The following VWCE variants were observed in gnomAD, a reference collection of about 807,000 sequenced individuals.
VWCE encodes the protein von Willebrand factor C and EGF domains, also known as von Willebrand factor C and EGF domain-containing protein.
VWCE carries 68 observed loss-of-function variants against 102.9 expected under a neutral mutation model. The observed-to-expected ratio is 0.66, with a 90% CI of 0.54 to 0.81. The LOEUF (loss-of-function observed/expected upper bound fraction) is 0.81. VWCE is among the 30% of genes least tolerant of loss of function. The pLI, the probability that VWCE is intolerant of heterozygous loss-of-function variation, is 0.00. For missense variants in VWCE, 1,137 were observed against 1,263.6 expected (o/e 0.90, Z 1.52); for synonymous variants, 497 against 515.4 (o/e 0.96, Z 0.48).
At chr11:61,265,070 G>A in intron 17 of VWCE, 32 bp from the exon 18 acceptor site, 1 of 1,614,044 alleles carries the variant, frequency 6.2e-7, no homozygotes, top group South Asian at 1.1e-5. Context: ...GAGCCCATGA[G>A]AGCCGAGGCC....
chr11:61,280,890 CG>C lies in VWCE; in HGVS notation c.1132del (p.Arg378AspfsTer37). On this transcript the variant is annotated frameshift_variant, in exon 8 of 20. Coordinates refer to ENST00000335613, the MANE Select transcript of VWCE (RefSeq NM_152718.2). LOFTEE classifies it high-confidence loss of function. ...PSSPRGPESPRLAAGPSPCWH... is the reference protein window; with the variant it reads ...PSSPRGPESPXLAAGPSPCWH... ...GCAGGGAGAGGGCCCTGCTGCCAGT[CG>C]GGGGGACTCAGGGCCCCTGGGTGAG... is the stretch of plus-strand genomic sequence containing the variant. The C allele has an allele frequency of 1.3e-6, 2 of 1,531,304 alleles. No homozygotes were observed. The highest frequency in any genetic ancestry group is 1.8e-6 in the Non-Finnish European group (2 of 1,141,066). 94.9% of individuals were successfully genotyped at this position (1,531,304 alleles called of 1,614,324 possible).
chr11:61,275,347 C>T (rs1055367974), intron 11 of VWCE, among the ~76,000 whole-genome samples: 3 of 151,958 alleles, frequency 2.0e-5, no homozygotes, highest in Admixed American at 1.3e-4. Context: ...GGCTCAAATC[C>T]GAGCTATACA....
chr11:61,279,715 G>A (rs1243108339), intron 9 of VWCE, among the ~76,000 whole-genome samples: 1 of 151,998 alleles, frequency 6.6e-6, no homozygotes, highest in African/African-American at 2.4e-5. Context: ...CCAACTGAAT[G>A]AGAATCTGCT....
intron 19 of VWCE, among the ~76,000 whole-genome samples, chr11:61,261,825 A>T (rs1367946034): frequency 6.6e-6 from 1 of 151,810 alleles, no homozygotes; most frequent in Non-Finnish European, 1.5e-5. Context: ...AAAAATCATC[A>T]AAAGAAAGCA....
At position 61,276,699 on chromosome 11, in the gene VWCE, A is replaced by G. The variant is rs1411855204; in HGVS notation, c.1408-19T>C. On this transcript the variant is annotated intron_variant, in intron 10 of 19. Coordinates refer to ENST00000335613, the MANE Select transcript of VWCE (RefSeq NM_152718.2). ...TTCCAGCCTGAGGAGGAGGCAAGAG[A>G]GGGCACTGGGGGTGCGGGTGTGGAA... 6.3e-7 allele frequency: 1 copy of G among 1,584,256 alleles called. No homozygotes were observed. Among genetic ancestry groups the G allele is most frequent in the South Asian group, 1.2e-5 (1 of 85,874 alleles).
In VWCE at chr11:61,281,900, G is replaced by A. The variant is rs1855152605; in HGVS notation, c.673C>T (p.Arg225Trp). 3.1e-6 allele frequency: 5 copies of A among 1,613,602 alleles called. No homozygotes were observed. The highest frequency in any genetic ancestry group is 1.1e-5 in the South Asian group (1 of 90,918). ...CAGACTCGCCTCTCCAATGGCCTCC[G>A]ACACTCGTTTACATCTGCGGGAGAG... is the stretch of plus-strand genomic sequence containing the variant. ...RHSCVDVNEC[R>W]RPLERRVCHH... The change falls in exon 7 of 20, where the codon CGG becomes TGG. Residue 225 changes from arginine to tryptophan, a missense_variant. Physicochemically the swap from Arg to Trp is moderately radical, Grantham distance 101. Around this residue, in one of 5 missense-constraint regions of VWCE, gnomAD observed 575 missense variants for 625.9 expected, o/e 0.92. Coordinates refer to ENST00000335613, the MANE Select transcript of VWCE (RefSeq NM_152718.2).
intron 1 of VWCE, among the ~76,000 whole-genome samples, chr11:61,292,239 A>C (rs1380953776): frequency 7.5e-6 from 1 of 133,928 alleles, no homozygotes; most frequent in Admixed American, 6.9e-5. Context: ...AAAAAAAAAA[A>C]GAGAGAGAGA....
At chr11:61,264,598 C>T in intron 18 of VWCE, 21 bp from the exon 19 acceptor site, 1 of 1,594,036 alleles carries the variant, frequency 6.3e-7, no homozygotes, top group South Asian at 1.1e-5. Context: ...AGAAGGAACC[C>T]CATGAGGAAG....
At position 61,286,381 on chromosome 11, in the gene VWCE, T is replaced by C; in HGVS notation, c.474A>G (p.Thr158=). ...CACACTCGCACACAAACCCACCTTC[T>C]GTGTTCACACAGTGGCCCTCGCAGG... ...TSSCEGHCVN[T]EGGFVCECGP... The change falls in exon 5 of 20, where the codon ACA becomes ACG. Residue 158 remains threonine (T), a synonymous_variant. Coordinates refer to ENST00000335613, the MANE Select transcript of VWCE (RefSeq NM_152718.2). 1 of 1,612,936 alleles carries C rather than the reference T, an allele frequency of 6.2e-7. No individual in the cohort carries two copies. Among genetic ancestry groups the C allele is most frequent in the Non-Finnish European group, 8.5e-7 (1 of 1,180,038 alleles).
chr11:61,268,984 C>G lies in VWCE; in HGVS notation c.1820G>C (p.Cys607Ser). Residue 607 changes from cysteine (C) to serine (S), a missense_variant, in exon 15 of 20, where the codon TGT becomes TCT. Cys to Ser is a moderately radical substitution (Grantham distance 112). Around this residue, in one of 5 missense-constraint regions of VWCE, gnomAD observed 212 missense variants for 235.1 expected, o/e 0.90. Coordinates refer to ENST00000335613, the MANE Select transcript of VWCE (RefSeq NM_152718.2). ...DGSVSCKRTDCVDSCPHPIRI... is the reference protein window; with the variant it reads ...DGSVSCKRTDSVDSCPHPIRI... ...GATCGGGTGAGGGCAGGAGTCCACA[C>G]AGTCTGTCCTCTTGCAGCTCACCGA... 6.2e-7 allele frequency: 1 copy of G among 1,614,134 alleles called. No homozygotes were observed. Among genetic ancestry groups the G allele is most frequent in the Non-Finnish European group, 8.5e-7 (1 of 1,180,042 alleles).
At chr11:61,264,844 T>A in intron 18 of VWCE, 112 bp downstream of exon 18, 4 of 1,193,448 alleles carry the variant, frequency 3.4e-6, no homozygotes, top group Admixed American at 1.9e-5. Context: ...AGGCGGAGGA[T>A]GGCAGGAGGA....
rs575326449 is a variant in VWCE, at chr11:61,261,145, G to A, written c.2231-1833C>T. Among the ~76,000 whole-genome samples, 7 of 152,002 alleles carry A rather than the reference G, an allele frequency of 4.6e-5. No individual in the cohort carries two copies. The East Asian group carries it at 7.7e-4, about 17-fold the overall frequency. On this transcript the variant is annotated intron_variant, in intron 19 of 19. Transcript: ENST00000335613. ...TGAGGCAGGAGAGTTGCTGGAAACC[G>A]GGAGGTGGAGGTTGCAGTGAGCCAA... is the stretch of plus-strand genomic sequence containing the variant.
intron 13 of VWCE, among the ~76,000 whole-genome samples, chr11:61,272,727 C>T (rs1854759112): frequency 6.6e-6 from 1 of 151,746 alleles, no homozygotes; most frequent in Non-Finnish European, 1.5e-5. Context: ...CAGACGCACA[C>T]TACTCACACA....
At chr11:61,265,381 A>C (rs1466545151) in intron 16 of VWCE, among the ~76,000 whole-genome samples, 169 bp from the exon 17 acceptor site, 1 of 152,182 alleles carries the variant, frequency 6.6e-6, no homozygotes, top group Non-Finnish European at 1.5e-5. Flanking sequence ...GTTGGGGTCC[A>C]ACTTCCCACT....
chr11:61,262,134 A>G (rs966675740), intron 19 of VWCE, among the ~76,000 whole-genome samples: 1 of 152,094 alleles, frequency 6.6e-6, no homozygotes, highest in Non-Finnish European at 1.5e-5. Flanking sequence ...TTCTATTTTT[A>G]GTAGAGACAG....
chr11:61,269,908 G>C (rs1854623845), intron 14 of VWCE, among the ~76,000 whole-genome samples: 2 of 148,906 alleles, frequency 1.3e-5, no homozygotes, highest in South Asian at 4.2e-4. Flanking sequence ...GACGTGTTCA[G>C]CTTACAGCAT....
intron 7 of VWCE, 145 bp from the exon 8 acceptor site, chr11:61,281,380 C>T: frequency 9.8e-7 from 1 of 1,016,276 alleles, no homozygotes; most frequent in Non-Finnish European, 1.4e-6. Flanking sequence ...TATGGGGACA[C>T]TGTCGCCGTT....
intron 19 of VWCE, among the ~76,000 whole-genome samples, chr11:61,259,791 A>G (rs1419819896): frequency 6.6e-6 from 1 of 152,142 alleles, no homozygotes; most frequent in Admixed American, 6.5e-5. Context: ...TTTCCACTCA[A>G]TTTTGCCATG....
chr11:61,272,152 ATT>A (rs1266647536), intron 13 of VWCE, among the ~76,000 whole-genome samples: 1 of 151,858 alleles, frequency 6.6e-6, no homozygotes, highest in African/African-American at 2.4e-5. Context: ...ACAAATGCAC[ATT>A]TACATACACA....
Sources: gnomAD v4.1 joint callset for allele counts (sites outside exome capture counted in the v4.1 genomes callset) on GRCh38, gnomAD v4.1.1 for gene constraint, gnomAD v4.1.1 regional missense constraint, MANE v1.5 for transcripts, NCBI Gene and HGNC (gene_info 2026-07-23, HGNC 2026-07-21) for gene names.